UGT1A6: variants seen among roughly 807,000 people sequenced by gnomAD.
UGT1A6 encodes UDP-glucuronosyltransferase 1A6.
A neutral mutation model predicts 44.4 loss-of-function variants in UGT1A6; 32 were observed. The ratio of observed to expected loss-of-function variants is 0.72; its 90% confidence interval spans 0.54 to 0.97. UGT1A6 has a LOEUF of 0.97. UGT1A6 is among the 50% of genes least tolerant of loss of function. UGT1A6 has a pLI of 0.00. For missense variants in UGT1A6, 685 were observed against 661.9 expected (o/e 1.03, Z -0.38); for synonymous variants, 238 against 248.5 (o/e 0.96, Z 0.40).
intron 1 of UGT1A6, chr2:233,761,067 T>C (rs1431222562): frequency 6.2e-7 from 1 of 1,614,228 alleles, no homozygotes; most frequent in African/African-American, 1.3e-5. Flanking sequence ...GAAGTGACTT[T>C]GTGAAGGATT....
intron 1 of UGT1A6, among the ~76,000 whole-genome samples, chr2:233,738,509 G>A (rs533932753): frequency 1.3e-5 from 2 of 152,322 alleles, no homozygotes; most frequent in African/African-American, 4.8e-5. Context: ...CCAAAATGCT[G>A]ATAATGTTGT....
At chr2:233,761,193 A>G (rs764178788) in intron 1 of UGT1A6, 2 of 1,614,148 alleles carry the variant, frequency 1.2e-6, no homozygotes, top group Non-Finnish European at 8.5e-7. Context: ...ATATTCTTTC[A>G]GATGTATTAC....
At chr2:233,713,310 C>T (rs1177829865) in intron 1 of UGT1A6, 1 of 1,614,216 alleles carries the variant, frequency 6.2e-7, no homozygotes, top group South Asian at 1.1e-5. Context: ...AGAACATCTT[C>T]TGATGAAATT....
rs190570057 is a variant in UGT1A6, at chr2:233,713,150, G to A, written c.861+19285G>A. On this transcript the variant is annotated intron_variant, in intron 1 of 4. Coordinates refer to ENST00000305139, the MANE Select transcript of UGT1A6 (RefSeq NM_001072.4). Reference sequence around the variant, plus strand: ...GGGAGGCCTTGCGGGACCTCCATGCGAGAGGCCACCAGGTGGTGGTCCTCA... The same window carrying A: ...GGGAGGCCTTGCGGGACCTCCATGCAAGAGGCCACCAGGTGGTGGTCCTCA... The A allele has an allele frequency of 5.6e-6, 9 of 1,614,242 alleles. No individual in the cohort carries two copies. In the East Asian group the frequency reaches 8.9e-5, roughly 16 times the overall value.
chr2:233,768,127 A>G, intron 3 of UGT1A6, 93 bp from the exon 4 acceptor site: 1 of 1,605,192 alleles, frequency 6.2e-7, no homozygotes, highest in Admixed American at 1.7e-5. Flanking sequence ...TGTGAGTAAC[A>G]CTGAGTCTTT....
In UGT1A6 at chr2:233,772,306, G is replaced by A. The variant is rs200370335; in HGVS notation, c.1346G>A (p.Arg449His). The change falls in exon 5 of 5, where the codon CGC (arginine) becomes CAC (histidine). Residue 449 changes from arginine (R) to histidine (H), a missense_variant. By Grantham distance (29) the Arg-to-His change is conservative. Coordinates refer to ENST00000305139, the MANE Select transcript of UGT1A6 (RefSeq NM_001072.4). ...CGCCTCTCCAGCCTTCACAAGGACC[G>A]CCCGGTGGAGCCGCTGGACCTGGCC... ...IMRLSSLHKD[R>H]PVEPLDLAVF... 2.7e-5 allele frequency: 44 copies of A among 1,614,208 alleles called. No individual in the cohort carries two copies. Among genetic ancestry groups the A allele is most frequent in the Middle Eastern group, 3.3e-4 (2 of 6,062 alleles).
chr2:233,718,785 G>C (rs544842461), intron 1 of UGT1A6: 6 of 1,613,086 alleles, frequency 3.7e-6, no homozygotes, highest in Admixed American at 1.7e-5. Context: ...GGCACAGCGT[G>C]GGGTGGACAG....
Position 233,769,314 on chromosome 2 carries a change from T to A in UGT1A6, c.1301+875T>A, listed in dbSNP as rs551966060. Among the ~76,000 whole-genome samples, 1 of 152,360 alleles carries A rather than the reference T, an allele frequency of 6.6e-6. No individual in the cohort carries two copies. The highest frequency in any genetic ancestry group is 2.1e-4 in the South Asian group (1 of 4,826). ...TAAAGTTAGTATATTACTGTCAAGC[T>A]CACTGGTAATAGGCTTATTAGAACC... is the stretch of plus-strand genomic sequence containing the variant. On this transcript the variant is annotated intron_variant, in intron 4 of 4. Coordinates refer to ENST00000305139, the MANE Select transcript of UGT1A6 (RefSeq NM_001072.4). This position sits in a 1 kb window ranked among gnomAD's most constrained non-coding sequence, Gnocchi z 4.4.
intron 1 of UGT1A6, among the ~76,000 whole-genome samples, chr2:233,730,881 T>C (rs2078083479): frequency 6.6e-6 from 1 of 152,122 alleles, no homozygotes. Context: ...CAGGTTTCTA[T>C]AGTGGGATCT....
Position 233,772,452 on chromosome 2 carries a change from G to A in UGT1A6, c.1492G>A (p.Val498Met), listed in dbSNP as rs199723856. 1.2e-4 allele frequency: 186 copies of A among 1,614,176 alleles called. No homozygotes were observed. The highest frequency in any genetic ancestry group is 1.5e-4 in the Non-Finnish European group (177 of 1,180,044). The change falls in exon 5 of 5, where the codon GTG becomes ATG. Residue 498 changes from valine (V) to methionine (M), a missense_variant. Physicochemically the swap from Val to Met is conservative, Grantham distance 21 (BLOSUM62 1). Transcript: ENST00000305139. The stretch of plus-strand genomic sequence containing the variant: ...CGTGATTGGTTTCCTCTTGGCCGTC[G>A]TGCTGACAGTGGCCTTCATCACCTT... ...LDVIGFLLAV[V>M]LTVAFITFKC...
At chr2:233,729,314 C>T (rs771299324) in intron 1 of UGT1A6, 4 of 1,614,130 alleles carry the variant, frequency 2.5e-6, no homozygotes, top group East Asian at 4.5e-5. Flanking sequence ...GTCCTCACCC[C>T]AGAGGTGAAT....
chr2:233,696,037 C>T (rs1003324410), intron 1 of UGT1A6, among the ~76,000 whole-genome samples: 55 of 152,230 alleles, frequency 3.6e-4, no homozygotes, highest in African/African-American at 1.3e-3. Flanking sequence ...CCCTAATTTA[C>T]ATTTGAAGAA....
At chr2:233,717,925 A>C (rs1037002174) in intron 1 of UGT1A6, 1 of 454,728 alleles carries the variant, frequency 2.2e-6, no homozygotes, top group Non-Finnish European at 4.4e-6. Flanking sequence ...ATGAATGGAT[A>C]CTTCAGTCTC....
In UGT1A6 at chr2:233,729,768, G is replaced by C. The variant is rs559236569; in HGVS notation, c.861+35903G>C. Reference sequence around the variant, plus strand: ...CATTCATGCAAAGGGTCAAGAACATGCTCTACCCTCTGGCCCTGTCCTACA... The same window carrying C: ...CATTCATGCAAAGGGTCAAGAACATCCTCTACCCTCTGGCCCTGTCCTACA... On this transcript the variant is annotated intron_variant, in intron 1 of 4. Coordinates refer to ENST00000305139, the MANE Select transcript of UGT1A6 (RefSeq NM_001072.4). The C allele has an allele frequency of 1.9e-6, 3 of 1,613,956 alleles. No individual in the cohort carries two copies. The highest frequency in any genetic ancestry group is 3.3e-5 in the Admixed American group (2 of 60,020).
chr2:233,757,384 T>TA (rs1696511783), intron 1 of UGT1A6, among the ~76,000 whole-genome samples: 1 of 151,252 alleles, frequency 6.6e-6, no homozygotes. Context: ...ATTCAGCACT[T>TA]ACTTGCTGGC....
Position 233,744,055 on chromosome 2 carries a change from C to A in UGT1A6, c.862-22979C>A, listed in dbSNP as rs115067532. 2,270 of 645,232 alleles carry A rather than the reference C, an allele frequency of 3.5e-3. 102 individuals carry two copies. The African/African-American group carries it at 0.042, about 12-fold the overall frequency. 40.0% of individuals were successfully genotyped at this position (645,232 alleles called of 1,614,324 possible). A position where few individuals can be genotyped will look rare whatever the true frequency, so the allele number is the denominator to read the frequency against. ...TATGACGCAGCCACATCTCATTGGT[C>A]GAGGCCTATGAGCGCCTCGCATCCC... is the stretch of plus-strand genomic sequence containing the variant. On this transcript the variant is annotated intron_variant, in intron 1 of 4. Coordinates refer to ENST00000305139, the MANE Select transcript of UGT1A6 (RefSeq NM_001072.4).
chr2:233,710,442 T>C (rs1002737247), intron 1 of UGT1A6, among the ~76,000 whole-genome samples: 4 of 152,256 alleles, frequency 2.6e-5, no homozygotes, highest in African/African-American at 7.2e-5. Flanking sequence ...TTTAGTCTTT[T>C]ACATTTTAGC....
chr2:233,712,280 C>T (rs1176719433), intron 1 of UGT1A6, among the ~76,000 whole-genome samples: 1 of 152,208 alleles, frequency 6.6e-6, no homozygotes, highest in African/African-American at 2.4e-5. Context: ...ACAGCAGCAC[C>T]TCTTCTTCCA....
In UGT1A6 at chr2:233,724,282, G is replaced by C. The variant is rs1306983781; in HGVS notation, c.861+30417G>C. Among the ~76,000 whole-genome samples, 10 of 125,690 alleles carry C rather than the reference G, an allele frequency of 8.0e-5. No individual in the cohort carries two copies. In the East Asian group the frequency reaches 2.6e-3, roughly 32 times the overall value. 82.5% of individuals were successfully genotyped at this position (125,690 alleles called of 152,430 possible). On this transcript the variant is annotated intron_variant, in intron 1 of 4. Coordinates refer to ENST00000305139, the MANE Select transcript of UGT1A6 (RefSeq NM_001072.4). ...TCCCGGACGGGGCGGCTGGCCGGGC[G>C]GGGGGCTGACCCCCCCACCTCCCTC... is the stretch of plus-strand genomic sequence containing the variant.
Sources: allele counts gnomAD v4.1 joint callset (sites outside exome capture counted in the v4.1 genomes callset), GRCh38; gene constraint gnomAD v4.1.1; non-coding constraint Gnocchi (gnomAD v3.1); transcripts MANE v1.5; gene names NCBI Gene and HGNC (gene_info 2026-07-23, HGNC 2026-07-21).